ITCH: variants seen among roughly 807,000 people sequenced by gnomAD.
The protein encoded by ITCH is itchy E3 ubiquitin protein ligase.
ITCH carries 28 observed loss-of-function variants against 126.8 expected under a neutral mutation model. The ratio of observed to expected loss-of-function variants is 0.22; its 90% CI spans 0.16 to 0.30. The LOEUF (loss-of-function observed/expected upper bound fraction) is 0.30. Among genes scored for constraint, ITCH ranks in the 10% least tolerant of loss-of-function variants. The pLI is 1.00. For missense variants in ITCH, 631 were observed against 1,032.4 expected (o/e 0.61, Z 5.33); for synonymous variants, 342 against 340.0 (o/e 1.01, Z -0.06).
intron 3 of ITCH, among the ~76,000 whole-genome samples, chr20:34,403,835 G>A (rs1179014120): frequency 6.6e-6 from 1 of 152,122 alleles, no homozygotes; most frequent in Non-Finnish European, 1.5e-5. Context: ...AGTAGAGGGA[G>A]CAGCATGTTT....
intron 2 of ITCH, among the ~76,000 whole-genome samples, chr20:34,379,145 C>T (rs1053208677): frequency 3.3e-5 from 5 of 152,010 alleles, no homozygotes; most frequent in African/African-American, 1.2e-4. Context: ...TTTGTTTTAG[C>T]CCTTGGGGTT....
intron 14 of ITCH, among the ~76,000 whole-genome samples, chr20:34,468,882 C>A (rs574338110): frequency 2.6e-5 from 4 of 151,772 alleles, no homozygotes; most frequent in African/African-American, 9.7e-5. Flanking sequence ...ACACAAATAA[C>A]GTTTGTATAC....
intron 11 of ITCH, 33 bp downstream of exon 11, chr20:34,445,494 A>T: frequency 1.2e-6 from 2 of 1,603,288 alleles, no homozygotes; most frequent in Non-Finnish European, 1.7e-6. Flanking sequence ...AACTAATAAG[A>T]GTATTTTGTT....
chr20:34,378,784 T>C (rs909379573), intron 2 of ITCH, among the ~76,000 whole-genome samples: 1 of 152,150 alleles, frequency 6.6e-6, no homozygotes, highest in East Asian at 1.9e-4. Context: ...AGGAAAATAA[T>C]GTGAGAGAGA....
intron 14 of ITCH, among the ~76,000 whole-genome samples, chr20:34,463,229 G>A (rs1330472936): frequency 6.6e-6 from 1 of 152,160 alleles, no homozygotes; most frequent in African/African-American, 2.4e-5. Context: ...TGGGCATGGT[G>A]GCGCACACCT....
intron 17 of ITCH, among the ~76,000 whole-genome samples, chr20:34,479,199 G>C (rs1369289667): frequency 6.6e-6 from 1 of 152,184 alleles, no homozygotes; most frequent in East Asian, 1.9e-4. Flanking sequence ...ATGGGACTTA[G>C]TAATAGATGG....
intron 22 of ITCH, among the ~76,000 whole-genome samples, chr20:34,490,534 T>C (rs569826849): frequency 2.0e-5 from 3 of 152,206 alleles, no homozygotes; most frequent in East Asian, 3.9e-4. Flanking sequence ...TCCCAGCTAC[T>C]TGGGAGGCTG....
chr20:34,430,587 C>T (rs1372834521), intron 7 of ITCH, among the ~76,000 whole-genome samples: 1 of 152,176 alleles, frequency 6.6e-6, no homozygotes, highest in African/African-American at 2.4e-5. Context: ...AGTTTTCCTG[C>T]CTCAGCCTCC....
intron 19 of ITCH, 74 bp downstream of exon 19, chr20:34,480,806 A>G (rs1988681140): frequency 3.3e-6 from 4 of 1,194,226 alleles, no homozygotes; most frequent in Non-Finnish European, 4.8e-6. Flanking sequence ...AACTTATCCA[A>G]ACTGTAGGCA....
chr20:34,504,384 C>G lies in ITCH; in HGVS notation c.2470C>G (p.Leu824Val). ...TGAAAAAGTTGGGAAAGAAAATTGG[C>G]TACCCAGAAGTCATACCTGGTAAGT... is the stretch of plus-strand genomic sequence containing the variant. Reference protein sequence around the residue: ...CIEKVGKENWLPRSHTCFNRL... With the variant: ...CIEKVGKENWVPRSHTCFNRL... The change falls in exon 24 of 25, where the codon CTA (leucine) becomes GTA (valine). Residue 824 changes from leucine (L) to valine (V), a missense_variant. By Grantham distance (32) the Leu-to-Val change is conservative. Transcript: ENST00000374864. 2 of 1,612,062 alleles carry G rather than the reference C, an allele frequency of 1.2e-6. No homozygotes were observed. Among genetic ancestry groups the G allele is most frequent in the Non-Finnish European group, 1.7e-6 (2 of 1,178,148 alleles).
Position 34,474,905 on chromosome 20 carries a change from G to A in ITCH, c.1570-2867G>A, listed in dbSNP as rs941900670. Among the ~76,000 whole-genome samples, 9 of 151,904 alleles carry A rather than the reference G, an allele frequency of 5.9e-5. No homozygotes were observed. In the South Asian group the frequency reaches 6.2e-4, roughly 11 times the overall value. ...GGGCTCCTCACTTCTCAGACGGGGC[G>A]GTTGCCAGGCAGAGGGTCTCCTCAC... On this transcript the variant is annotated intron_variant, in intron 16 of 24. Coordinates refer to ENST00000374864, the MANE Select transcript of ITCH (RefSeq NM_031483.7).
At chr20:34,438,754 G>C (rs1983365251) in intron 8 of ITCH, 123 bp downstream of exon 8, 1 of 1,286,552 alleles carries the variant, frequency 7.8e-7, no homozygotes, top group Admixed American at 1.8e-5. Flanking sequence ...TTAAGATTTT[G>C]GAAAAGAATG....
chr20:34,490,291 A>G (rs1989418322), intron 22 of ITCH, among the ~76,000 whole-genome samples: 1 of 152,224 alleles, frequency 6.6e-6, no homozygotes, highest in South Asian at 2.1e-4. Context: ...TTGGTTTAGA[A>G]TCATAACGGT....
intron 14 of ITCH, among the ~76,000 whole-genome samples, chr20:34,465,712 GTTTA>G (rs1337653445): frequency 1.3e-5 from 2 of 151,828 alleles, no homozygotes; most frequent in Non-Finnish European, 2.9e-5. Context: ...TTTTTATATT[GTTTA>G]TTCTTAGTAT....
chr20:34,381,472 G>C (rs1212684684), intron 2 of ITCH, among the ~76,000 whole-genome samples: 4 of 151,832 alleles, frequency 2.6e-5, no homozygotes, highest in Non-Finnish European at 5.9e-5. Context: ...TGTCGCCCAG[G>C]CTGGAGTGCA....
At chr20:34,377,848 G>A (rs566031513) in intron 2 of ITCH, among the ~76,000 whole-genome samples, 11 of 150,922 alleles carry the variant, frequency 7.3e-5, no homozygotes, top group Non-Finnish European at 1.3e-4. Context: ...TCCAGCCTAG[G>A]CAACAGAGTG....
At chr20:34,504,450 T>C (rs778301936) in intron 24 of ITCH, 47 bp downstream of exon 24, 1 of 1,244,048 alleles carries the variant, frequency 8.0e-7, no homozygotes, top group Non-Finnish European at 1.2e-6. Context: ...TGTCCAGTTA[T>C]CTGTAGCTAT....
rs1248279016 is a variant in ITCH at position 34,445,388 on chromosome 20, A to G, written c.1067A>G (p.Tyr356Cys). The stretch of plus-strand genomic sequence containing the variant: ...CCAACACTGGAATCCGTCCGGAACT[A>G]TGAACAATGGCAGCTACAGCGTAGT... ...QRPTLESVRN[Y>C]EQWQLQRSQL... is the part of the protein sequence containing the mutation. Residue 356 changes from tyrosine to cysteine, a missense_variant, in exon 11 of 25, where the codon TAT (tyrosine) becomes TGT (cysteine). Tyr to Cys is a radical substitution (Grantham distance 194). Coordinates refer to ENST00000374864, the MANE Select transcript of ITCH (RefSeq NM_031483.7). 3 of 1,613,950 alleles carry G rather than the reference A, an allele frequency of 1.9e-6. No individual in the cohort carries two copies. The highest frequency in any genetic ancestry group is 8.5e-7 in the Non-Finnish European group (1 of 1,180,050).
intron 2 of ITCH, among the ~76,000 whole-genome samples, chr20:34,383,913 T>C (rs6088478): frequency 0.55 from 80,044 of 146,102 alleles, 22,507 homozygotes; most frequent in African/African-American, 0.65. Context: ...GGCACAATCT[T>C]GGCTCGTCGC....
Sources: allele counts gnomAD v4.1 joint callset (sites outside exome capture counted in the v4.1 genomes callset), GRCh38; gene constraint gnomAD v4.1.1; transcripts MANE v1.5; gene names NCBI Gene and HGNC (gene_info 2026-07-23, HGNC 2026-07-21).